EYS: variants seen among roughly 807,000 people sequenced by gnomAD.
EYS encodes the protein protein eyes shut homolog.
A neutral mutation model predicts 282.1 loss-of-function variants in EYS; 250 were observed. The ratio of observed to expected loss-of-function variants is 0.89; its 90% CI spans 0.80 to 0.98. EYS has a LOEUF of 0.98. Ranked by LOEUF, EYS falls within the 50% of genes least tolerant of loss-of-function variation. The pLI is 0.00. For missense variants in EYS, 4,016 were observed against 3,709.0 expected (o/e 1.08, Z -2.15); for synonymous variants, 1,355 against 1,282.9 (o/e 1.06, Z -1.20).
chr6:64,326,375 C>T lies in EYS; in HGVS notation c.6079-19293G>A, dbSNP rs191457020. Among the ~76,000 whole-genome samples, 443 of 152,174 alleles carry T rather than the reference C, an allele frequency of 2.9e-3. 6 individuals carry two copies. The highest frequency in any genetic ancestry group is 1.3e-3 in the Non-Finnish European group (86 of 68,008). On this transcript the variant is annotated intron_variant, in intron 29 of 42. Transcript: ENST00000503581. ...GGTCACAAGACCAATAAGTTTAGGT[C>T]GCAAGACATGTTTCTCTCAAGATGT...
At chr6:64,676,595 A>T (rs1255839780) in intron 22 of EYS, among the ~76,000 whole-genome samples, 1 of 152,112 alleles carries the variant, frequency 6.6e-6, no homozygotes. Context: ...TTTGCCATAC[A>T]TTTTGTATAT....
At chr6:65,460,086 C>T (rs576703296) in intron 5 of EYS, among the ~76,000 whole-genome samples, 17 of 145,642 alleles carry the variant, frequency 1.2e-4, no homozygotes, top group Non-Finnish European at 2.3e-4. Flanking sequence ...CACACACACA[C>T]ACACACACAC....
intron 22 of EYS, among the ~76,000 whole-genome samples, chr6:64,769,240 G>T (rs1773451231): frequency 6.6e-6 from 1 of 151,972 alleles, no homozygotes; most frequent in Admixed American, 6.6e-5. Flanking sequence ...GCTGAACTGT[G>T]TGTTCTTATG....
At chr6:63,935,496 G>A (rs1057340056) in intron 35 of EYS, among the ~76,000 whole-genome samples, 2 of 152,106 alleles carry the variant, frequency 1.3e-5, no homozygotes, top group Non-Finnish European at 2.9e-5. Flanking sequence ...TTGTTAGGAT[G>A]GGCTTTCATC....
intron 22 of EYS, among the ~76,000 whole-genome samples, chr6:64,627,894 A>G (rs2149858292): frequency 6.6e-6 from 1 of 152,276 alleles, no homozygotes; most frequent in Middle Eastern, 3.4e-3. Flanking sequence ...CCTGGCGAAC[A>G]CGGTGAAACC....
intron 7 of EYS, among the ~76,000 whole-genome samples, chr6:65,388,981 A>G (rs1024532336): frequency 1.3e-5 from 2 of 152,026 alleles, no homozygotes; most frequent in Admixed American, 6.6e-5. Flanking sequence ...ATATACATCC[A>G]CAATCCAACC....
chr6:65,324,421 T>C (rs1409095167), intron 11 of EYS, among the ~76,000 whole-genome samples: 1 of 152,166 alleles, frequency 6.6e-6, no homozygotes, highest in Non-Finnish European at 1.5e-5. Context: ...GTCCAGGCTA[T>C]TTCCTCTATG....
Position 64,988,872 on chromosome 6 carries a change from A to C in EYS, c.2259+8710T>G, listed in dbSNP as rs565357987. The stretch of plus-strand genomic sequence containing the variant: ...CATGATCAGTGAAGAAATTATTTTT[A>C]ACACAAAAGTGACTGAATTACAGCT... On this transcript the variant is annotated intron_variant, in intron 14 of 42. Coordinates refer to ENST00000503581, the MANE Select transcript of EYS (RefSeq NM_001142800.2). Among the ~76,000 whole-genome samples the C allele has an allele frequency of 5.7e-4, 87 of 151,682 alleles. 1 individual carries two copies. Among genetic ancestry groups the C allele is most frequent in the African/African-American group, 2.1e-3 (87 of 41,490 alleles).
At chr6:63,885,121 T>A (rs1315586833) in intron 35 of EYS, among the ~76,000 whole-genome samples, 2 of 152,222 alleles carry the variant, frequency 1.3e-5, no homozygotes, top group African/African-American at 4.8e-5. Flanking sequence ...TCAGGACTTA[T>A]GTGTTTTATA....
intron 29 of EYS, among the ~76,000 whole-genome samples, chr6:64,326,996 C>T (rs1339830591): frequency 1.3e-5 from 2 of 152,110 alleles, no homozygotes; most frequent in Non-Finnish European, 2.9e-5. Flanking sequence ...CCCTAACTGA[C>T]ACCAGATGTG....
At chr6:64,931,536 A>C (rs79801942) in intron 15 of EYS, among the ~76,000 whole-genome samples, 4,941 of 152,158 alleles carry the variant, frequency 0.032, 137 homozygotes, top group East Asian at 0.13. Flanking sequence ...GTACATATAA[A>C]TATATAAAAT....
intron 9 of EYS, among the ~76,000 whole-genome samples, chr6:65,351,981 T>C (rs1348805201): frequency 6.6e-6 from 1 of 151,824 alleles, no homozygotes; most frequent in Non-Finnish European, 1.5e-5. Context: ...CTTTGTTTCG[T>C]CTGATTGTGT....
chr6:63,968,538 T>C (rs576790409), intron 35 of EYS, among the ~76,000 whole-genome samples: 79 of 152,198 alleles, frequency 5.2e-4, no homozygotes, highest in Non-Finnish European at 9.7e-4. Flanking sequence ...TGTGGGAAGA[T>C]GGATAACCTT....
At chr6:65,012,358 G>A (rs996648419) in intron 13 of EYS, among the ~76,000 whole-genome samples, 36 of 152,202 alleles carry the variant, frequency 2.4e-4, no homozygotes, top group African/African-American at 7.9e-4. Context: ...ATATTTACAT[G>A]TTACCTATTT....
chr6:64,849,576 G>C (rs565698955), intron 19 of EYS, among the ~76,000 whole-genome samples: 1 of 152,128 alleles, frequency 6.6e-6, no homozygotes, highest in African/African-American at 2.4e-5. Context: ...AAGTGGGCTT[G>C]ACTCTTTTTC....
At chr6:65,128,881 T>A (rs75433897) in intron 12 of EYS, among the ~76,000 whole-genome samples, 1,822 of 151,916 alleles carry the variant, frequency 0.012, 17 homozygotes, top group Admixed American at 0.02. Flanking sequence ...AAAAGAACAA[T>A]GCTGGAAATT....
intron 26 of EYS, among the ~76,000 whole-genome samples, chr6:64,457,904 A>C (rs1293781750): frequency 6.6e-6 from 1 of 151,890 alleles, no homozygotes; most frequent in East Asian, 1.9e-4. Context: ...GCTTTTCTAT[A>C]AATCCTTTCT....
chr6:65,398,152 T>A (rs549944260), intron 7 of EYS, among the ~76,000 whole-genome samples: 1 of 152,076 alleles, frequency 6.6e-6, no homozygotes, highest in African/African-American at 2.4e-5. Flanking sequence ...AGATTCTGAA[T>A]ACTAGCCTTT....
intron 13 of EYS, among the ~76,000 whole-genome samples, chr6:65,053,723 C>A (rs1773339234): frequency 6.6e-6 from 1 of 151,820 alleles, no homozygotes. Context: ...AGCAGCCATC[C>A]ACCATACATA....
Sources: gnomAD v4.1 joint callset for allele counts (sites outside exome capture counted in the v4.1 genomes callset) on GRCh38, gnomAD v4.1.1 for gene constraint, MANE v1.5 for transcripts, NCBI Gene and HGNC (gene_info 2026-07-23, HGNC 2026-07-21) for gene names.